The following LPXN variants were observed in gnomAD, a reference collection of about 807,000 sequenced individuals.
LPXN encodes leupaxin.
LPXN carries 28 observed loss-of-function variants against 45.6 expected under a neutral mutation model. The observed-to-expected ratio is 0.61, with a 90% CI of 0.45 to 0.84. The LOEUF is 0.84. LPXN is among the 40% of genes least tolerant of loss of function. The pLI is 0.00. For synonymous variants in LPXN, 166 were observed against 169.9 expected (o/e 0.98, Z 0.18); for missense variants, 459 against 475.0 (o/e 0.97, Z 0.31).
At chr11:58,577,874 A>G (rs1455094424), upstream of LPXN, 4 of 971,820 alleles carry the variant, frequency 4.1e-6, no homozygotes, top group Non-Finnish European at 5.9e-6. Flanking sequence ...CTAGTAGAAA[A>G]GCAACTTTAT....
rs538607804 is a variant in LPXN, at chr11:58,568,811, T to G, written c.171+1745A>C. 1.3e-4 allele frequency among the ~76,000 whole-genome samples: 20 copies of G among 152,246 alleles called. 1 individual carries two copies. The Middle Eastern group carries it at 0.014, about 104-fold the overall frequency. On this transcript the variant is annotated intron_variant, in intron 2 of 8. Coordinates refer to ENST00000395074, the MANE Select transcript of LPXN (RefSeq NM_004811.3). ...AAAACAAGCATAAACCCAGGACTCT[T>G]TCAGGTAAACCAGGATATATGGTCA...
intron 2 of LPXN, among the ~76,000 whole-genome samples, chr11:58,565,363 C>T (rs1854498443): frequency 6.6e-6 from 1 of 151,930 alleles, no homozygotes. Flanking sequence ...GAAACCCCAT[C>T]TCTACTAAAA....
At chr11:58,532,928 C>A (rs1853438506) in intron 7 of LPXN, among the ~76,000 whole-genome samples, 1 of 152,204 alleles carries the variant, frequency 6.6e-6, no homozygotes, top group Non-Finnish European at 1.5e-5. Flanking sequence ...CCGCGAAGGT[C>A]TGCAGCTTCA....
At chr11:58,576,132 G>T (rs1197843398), upstream of LPXN, among the ~76,000 whole-genome samples, 1 of 150,496 alleles carries the variant, frequency 6.6e-6, no homozygotes, top group East Asian at 1.9e-4. Flanking sequence ...TTATACTTGC[G>T]TTTTTTCCAA....
chr11:58,545,767 A>G (rs1249896677), intron 7 of LPXN, among the ~76,000 whole-genome samples: 1 of 152,194 alleles, frequency 6.6e-6, no homozygotes, highest in Non-Finnish European at 1.5e-5. Flanking sequence ...AAAAACATGG[A>G]ACTTGCAGAA....
At chr11:58,558,563 A>AAAAAAAG in intron 3 of LPXN, among the ~76,000 whole-genome samples, 1 of 150,234 alleles carries the variant, frequency 6.7e-6, no homozygotes, top group African/African-American at 2.4e-5. Flanking sequence ...AAAAAAAAAA[A>AAAAAAAG]AGAGAAGAAA....
intron 7 of LPXN, among the ~76,000 whole-genome samples, chr11:58,548,122 G>C (rs779855997): frequency 6.6e-6 from 1 of 152,140 alleles, no homozygotes. Context: ...AAGGAAAATA[G>C]TTTCCACTTA....
intron 4 of LPXN, chr11:58,554,109 A>C (rs1011866466): frequency 6.6e-6 from 1 of 152,424 alleles, no homozygotes; most frequent in Admixed American, 6.5e-5. Context: ...CAGGAGTTCG[A>C]GACCAGCCTG....
Position 58,575,755 on chromosome 11 carries a change from C to A in LPXN, c.13+5G>T. ...TCAGAGTTTCTCCTCAGGCTCCTCA[C>A]TCACCTAACTCTTCCATTGTCCTAC... On this transcript the variant is annotated splice_donor_5th_base_variant and intron_variant, in intron 1 of 8. Coordinates refer to ENST00000395074, the MANE Select transcript of LPXN (RefSeq NM_004811.3). The A allele has an allele frequency of 6.2e-7, 1 of 1,614,218 alleles. No individual in the cohort carries two copies. Among genetic ancestry groups the A allele is most frequent in the Non-Finnish European group, 8.5e-7 (1 of 1,180,034 alleles).
In LPXN at chr11:58,528,018, C is replaced by T. The variant is rs1188294658; in HGVS notation, c.891+25G>A. On this transcript the variant is annotated intron_variant, in intron 8 of 8. Coordinates refer to ENST00000395074, the MANE Select transcript of LPXN (RefSeq NM_004811.3). ...GGAGAACCCTTGACTTTCCCTAAGT[C>T]CGAAAGAAAAGTGATTATACAGACC... is the stretch of plus-strand genomic sequence containing the variant. 4 of 1,601,868 alleles carry T rather than the reference C, an allele frequency of 2.5e-6. No homozygotes were observed. The South Asian group carries it at 4.4e-5, about 18-fold the overall frequency.
chr11:58,551,121 T>C lies in LPXN; in HGVS notation c.430A>G (p.Ile144Val). Residue 144 changes from isoleucine to valine, a missense_variant, in exon 5 of 9, where the codon ATT (isoleucine) becomes GTT (valine). Coordinates refer to ENST00000395074, the MANE Select transcript of LPXN (RefSeq NM_004811.3). ...CAATGGCCCTTGGGCACTGTGGCAA[T>C]GCCAAGGTCCTGCAATTCCTGCTCC... Reference protein sequence around the residue: ...GLEQELQDLGIATVPKGHCAS... With the variant: ...GLEQELQDLGVATVPKGHCAS... 2 of 1,609,542 alleles carry C rather than the reference T, an allele frequency of 1.2e-6. No individual in the cohort carries two copies. Among genetic ancestry groups the C allele is most frequent in the Admixed American group, 1.7e-5 (1 of 59,346 alleles).
chr11:58,527,426 A>G lies in LPXN; in HGVS notation c.*28T>C. 1.9e-6 allele frequency: 3 copies of G among 1,609,540 alleles called. 1 individual carries two copies. The South Asian group carries it at 3.3e-5, about 18-fold the overall frequency. ...TCTCTTGGTTTAAATTTTATAAGGA[A>G]TCTGAAGAGGCTATGGATCAGTTGG... On this transcript the variant is annotated 3_prime_UTR_variant, in exon 9 of 9. Transcript: ENST00000395074.
intron 1 of LPXN, among the ~76,000 whole-genome samples, chr11:58,573,155 C>T (rs997466708): frequency 3.3e-5 from 5 of 150,244 alleles, no homozygotes; most frequent in African/African-American, 4.9e-5. Flanking sequence ...CTGAGGCAGG[C>T]GAAACGCTTG....
Position 58,549,990 on chromosome 11 carries a change from C to CGCAGTA in LPXN, c.637_642dup (p.Tyr213_Cys214dup), listed in dbSNP as rs1565193584. On this transcript the variant is annotated inframe_insertion, in exon 6 of 9. Coordinates refer to ENST00000395074, the MANE Select transcript of LPXN (RefSeq NM_004811.3). ...TTACTTACATCCAGGATGGGAGCAG[C>CGCAGTA]GCAGTAAGCACAGCGTGGAGAAAAA... is the stretch of plus-strand genomic sequence containing the variant. 2.5e-6 allele frequency: 4 copies of CGCAGTA among 1,614,142 alleles called. No homozygotes were observed. The highest frequency in any genetic ancestry group is 3.4e-6 in the Non-Finnish European group (4 of 1,180,032).
chr11:58,528,396 T>A (rs1853292194), intron 7 of LPXN, among the ~76,000 whole-genome samples: 1 of 152,206 alleles, frequency 6.6e-6, no homozygotes, highest in African/African-American at 2.4e-5. Flanking sequence ...ATAGTAAACA[T>A]TTAATAAGTG....
intron 2 of LPXN, among the ~76,000 whole-genome samples, chr11:58,564,983 A>G (rs1854485563): frequency 6.6e-6 from 1 of 152,170 alleles, no homozygotes; most frequent in South Asian, 2.1e-4. Flanking sequence ...CACGAGAAGG[A>G]GAGTGTGGCC....
At chr11:58,574,011 T>G (rs1031147508) in intron 1 of LPXN, among the ~76,000 whole-genome samples, 1 of 152,126 alleles carries the variant, frequency 6.6e-6, no homozygotes, top group Non-Finnish European at 1.5e-5. Context: ...TTTGCTCACT[T>G]GAGCCAACCT....
At chr11:58,530,364 G>T (rs1195223963) in intron 7 of LPXN, among the ~76,000 whole-genome samples, 2 of 152,292 alleles carry the variant, frequency 1.3e-5, no homozygotes, top group Non-Finnish European at 2.9e-5. Context: ...TTGGTGGAGG[G>T]AGAAGCATCC....
At chr11:58,556,253 T>G (rs1854201143) in intron 3 of LPXN, among the ~76,000 whole-genome samples, 1 of 151,948 alleles carries the variant, frequency 6.6e-6, no homozygotes, top group Admixed American at 6.6e-5. Flanking sequence ...AAAAGATTAA[T>G]ATAATTCATT....
Sources: allele counts gnomAD v4.1 joint callset (sites outside exome capture counted in the v4.1 genomes callset), GRCh38; gene constraint gnomAD v4.1.1; transcripts MANE v1.5; gene names NCBI Gene and HGNC (gene_info 2026-07-23, HGNC 2026-07-21).